The following MAPKAPK3 variants were observed in gnomAD, a reference collection of about 807,000 sequenced individuals.
MAPKAPK3 encodes MAP kinase-activated protein kinase 3.
A neutral mutation model predicts 49.2 loss-of-function variants in MAPKAPK3; 35 were observed. The observed-to-expected ratio is 0.71, with a 90% CI of 0.54 to 0.94. MAPKAPK3 has a LOEUF of 0.94. Ranked by LOEUF, MAPKAPK3 falls within the 40% of genes least tolerant of loss-of-function variation. MAPKAPK3 has a pLI of 0.00. For synonymous variants in MAPKAPK3, 178 were observed against 188.7 expected, an observed-to-expected ratio of 0.94 and a Z score of 0.46; for missense variants, 398 against 493.1, an observed-to-expected ratio of 0.81 and a Z score of 1.83.
At chr3:50,611,535 G>A (rs1032823507), upstream of MAPKAPK3, 144 of 1,515,832 alleles carry the variant, frequency 9.5e-5, no homozygotes, top group Non-Finnish European at 1.2e-4. Context: ...CCTCTGGCCC[G>A]TCAAGCCCTC....
intron 2 of MAPKAPK3, among the ~76,000 whole-genome samples, chr3:50,629,847 C>G (rs1281383860): frequency 1.3e-5 from 2 of 152,226 alleles, no homozygotes; most frequent in African/African-American, 4.8e-5. Context: ...CTGAGGCCAT[C>G]AAAATTTAGT....
intron 10 of MAPKAPK3, 97 bp from the exon 11 acceptor site, chr3:50,647,797 G>A (rs2033339610): frequency 8.2e-7 from 1 of 1,216,906 alleles, no homozygotes; most frequent in Non-Finnish European, 1.2e-6. Flanking sequence ...AGCACAGGCT[G>A]TCACTGACAT....
chr3:50,628,946 C>T (rs920334119), intron 2 of MAPKAPK3, among the ~76,000 whole-genome samples: 1 of 152,180 alleles, frequency 6.6e-6, no homozygotes, highest in African/African-American at 2.4e-5. Flanking sequence ...GTAAAGGTGT[C>T]TGCCACCTGG....
At chr3:50,631,782 A>T (rs1400610265) in intron 2 of MAPKAPK3, among the ~76,000 whole-genome samples, 1 of 152,196 alleles carries the variant, frequency 6.6e-6, no homozygotes, top group Non-Finnish European at 1.5e-5. Context: ...CCTCTGTAAG[A>T]ATAGGGGTTC....
chr3:50,629,841 G>A (rs1443321942), intron 2 of MAPKAPK3, among the ~76,000 whole-genome samples: 1 of 152,204 alleles, frequency 6.6e-6, no homozygotes, highest in Non-Finnish European at 1.5e-5. Context: ...GACCAACTGA[G>A]GCCATCAAAA....
chr3:50,645,841 C>T (rs931951508), intron 7 of MAPKAPK3, 56 bp downstream of exon 7: 13 of 1,498,284 alleles, frequency 8.7e-6, no homozygotes, highest in African/African-American at 1.4e-5. Flanking sequence ...CCACTGTGAG[C>T]CCTCAGGACC....
intron 2 of MAPKAPK3, among the ~76,000 whole-genome samples, chr3:50,630,605 G>A (rs1411146417): frequency 1.3e-5 from 2 of 152,272 alleles, no homozygotes; most frequent in African/African-American, 2.4e-5. Flanking sequence ...CAGCCACCGA[G>A]TAGCAGGGCC....
intron 5 of MAPKAPK3, 26 bp downstream of exon 5, chr3:50,642,358 G>T: frequency 6.3e-7 from 1 of 1,583,966 alleles, no homozygotes. Flanking sequence ...TCAGGTTGGG[G>T]GCCCGGGGAA....
chr3:50,642,084 G>A (rs1003513487), intron 4 of MAPKAPK3, among the ~76,000 whole-genome samples, 169 bp from the exon 5 acceptor site: 5 of 152,144 alleles, frequency 3.3e-5, no homozygotes, highest in Admixed American at 6.5e-5. Context: ...GGAAACTGGG[G>A]TGTCTGGGGT....
In MAPKAPK3 at chr3:50,617,527, C is replaced by T; in HGVS notation, c.-39C>T. On this transcript the variant is annotated 5_prime_UTR_variant, in exon 2 of 11. Transcript: ENST00000621469. Reference sequence around the variant, plus strand: ...CCTTTCCCCCAGGTGCCACTAGAAGCGCCAGGCTGGGGCCGCCTCTGAGCG... The same window carrying T: ...CCTTTCCCCCAGGTGCCACTAGAAGTGCCAGGCTGGGGCCGCCTCTGAGCG... 1 of 998,180 alleles carries T rather than the reference C, an allele frequency of 1.0e-6. No individual in the cohort carries two copies. Among genetic ancestry groups the T allele is most frequent in the Non-Finnish European group, 1.5e-6 (1 of 648,532 alleles). 61.8% of individuals were successfully genotyped at this position (998,180 alleles called of 1,614,324 possible).
Position 50,646,758 on chromosome 3 carries a change from T to G in MAPKAPK3, c.848T>G (p.Leu283Arg), listed in dbSNP as rs748349748. Reference protein sequence around the residue: ...VSEDAKQLIRLLLKTDPTERL... With the variant: ...VSEDAKQLIRRLLKTDPTERL... ...CCCCTAGCCAAGCAGCTGATCCGCC[T>G]CCTGTTGAAGACAGACCCCACAGAG... Residue 283 changes from leucine (L) to arginine (R), a missense_variant, in exon 9 of 11, where the codon CTC becomes CGC. This residue lies in a region of MAPKAPK3 where 152 missense variants were observed against 177.3 expected (regional missense o/e 0.86). Coordinates refer to ENST00000621469, the MANE Select transcript of MAPKAPK3 (RefSeq NM_001243925.2). The G allele has an allele frequency of 4.3e-6, 7 of 1,613,882 alleles. No individual in the cohort carries two copies. Among genetic ancestry groups the G allele is most frequent in the Non-Finnish European group, 5.9e-6 (7 of 1,180,008 alleles).
chr3:50,644,296 C>A (rs2033239618), intron 5 of MAPKAPK3, 113 bp from the exon 6 acceptor site: 3 of 1,278,444 alleles, frequency 2.3e-6, no homozygotes, highest in South Asian at 1.4e-5. Context: ...TATAAATGGA[C>A]CTGGCTCCTT....
chr3:50,647,161 C>T lies in MAPKAPK3; in HGVS notation c.954C>T (p.Ala318=), dbSNP rs193199458. 1.3e-6 allele frequency: 2 copies of T among 1,596,848 alleles called. No individual in the cohort carries two copies. The highest frequency in any genetic ancestry group is 2.3e-5 in the South Asian group (2 of 87,832). Residue 318 remains alanine (A), a synonymous_variant, in exon 10 of 11, where the codon GCC becomes GCT. Transcript: ENST00000621469. ...TGCCACAGACCCCACTCCACACGGC[C>T]CGAGTGCTGCAGGAGGACAAAGACC... ...MVVPQTPLHT[A]RVLQEDKDHW...
intron 2 of MAPKAPK3, among the ~76,000 whole-genome samples, chr3:50,627,781 C>T (rs1266811287): frequency 8.5e-5 from 13 of 152,054 alleles, no homozygotes; most frequent in Non-Finnish European, 1.9e-4. Context: ...GGCTGGGTGT[C>T]GGTGCCTTGG....
At chr3:50,646,482 C>T (rs1268342290) in intron 8 of MAPKAPK3, among the ~76,000 whole-genome samples, 1 of 152,216 alleles carries the variant, frequency 6.6e-6, no homozygotes, top group African/African-American at 2.4e-5. Flanking sequence ...CCTCTAACTC[C>T]TATTCCTCAT....
rs1161440903 is a variant in MAPKAPK3, at chr3:50,648,845, T to G, written c.*799T>G. The G allele has an allele frequency of 6.6e-6, 1 of 152,246 alleles. No homozygotes were observed. The highest frequency in any genetic ancestry group is 1.5e-5 in the Non-Finnish European group (1 of 68,040). 9.4% of individuals were successfully genotyped at this position (152,246 alleles called of 1,614,324 possible). ...CACTGTGACAAAAGCCAGCATACTT[T>G]CCCTGCACCCATCTGCTCACCAGAT... On this transcript the variant is annotated 3_prime_UTR_variant, in exon 11 of 11. Coordinates refer to ENST00000621469, the MANE Select transcript of MAPKAPK3 (RefSeq NM_001243925.2).
chr3:50,645,789 AG>A lies in MAPKAPK3; in HGVS notation c.704+5del, dbSNP rs1455407819. 1.9e-6 allele frequency: 3 copies of A among 1,613,812 alleles called. No homozygotes were observed. Among genetic ancestry groups the A allele is most frequent in the South Asian group, 1.1e-5 (1 of 91,082 alleles). On this transcript the variant is annotated splice_donor_5th_base_variant and intron_variant, in intron 7 of 10. Coordinates refer to ENST00000621469, the MANE Select transcript of MAPKAPK3 (RefSeq NM_001243925.2). ...TGGGTGTCATCATGTACATCCTGTGAGTACCTTCCCCACCCCCTGCCTCCAT... is the reference window on the plus strand; with the variant it reads ...TGGGTGTCATCATGTACATCCTGTGATACCTTCCCCACCCCCTGCCTCCAT...
chr3:50,646,572 C>T (rs2033304288), intron 8 of MAPKAPK3, among the ~76,000 whole-genome samples, 168 bp from the exon 9 acceptor site: 1 of 152,222 alleles, frequency 6.6e-6, no homozygotes, highest in Admixed American at 6.5e-5. Context: ...TTATCCTGAA[C>T]ACTTAGTGTT....
intron 2 of MAPKAPK3, among the ~76,000 whole-genome samples, chr3:50,618,361 A>C (rs1326153443): frequency 6.6e-6 from 1 of 152,180 alleles, no homozygotes; most frequent in Non-Finnish European, 1.5e-5. Context: ...CCGTGTTGAA[A>C]GGGACAGGCC....
Sources: gnomAD v4.1 joint callset for allele counts (sites outside exome capture counted in the v4.1 genomes callset) on GRCh38, gnomAD v4.1.1 for gene constraint, gnomAD v4.1.1 regional missense constraint, MANE v1.5 for transcripts, NCBI Gene and HGNC (gene_info 2026-07-23, HGNC 2026-07-21) for gene names.